CETP: variants seen among roughly 807,000 people sequenced by gnomAD.
CETP encodes cholesteryl ester transfer protein.
A neutral mutation model predicts 66.5 loss-of-function variants in CETP; 56 were observed. The ratio of observed to expected loss-of-function variants is 0.84; its 90% CI spans 0.68 to 1.05. CETP has a LOEUF of 1.05. Ranked by LOEUF, CETP falls within the 50% of genes least tolerant of loss-of-function variation. The pLI is 0.00. For synonymous variants in CETP, 251 were observed against 245.7 expected, an observed-to-expected ratio of 1.02 and a Z score of -0.20; for missense variants, 612 against 609.6, an observed-to-expected ratio of 1.00 and a Z score of -0.04.
intron 11 of CETP, among the ~76,000 whole-genome samples, chr16:56,980,684 G>C (rs1300872275): frequency 6.6e-6 from 1 of 152,208 alleles, no homozygotes; most frequent in East Asian, 1.9e-4. Flanking sequence ...AGCACTTTGA[G>C]AGGCTGAGGT....
intron 9 of CETP, among the ~76,000 whole-genome samples, chr16:56,974,761 G>C (rs1312707436): frequency 6.6e-6 from 1 of 152,210 alleles, no homozygotes; most frequent in Non-Finnish European, 1.5e-5. Flanking sequence ...CCCAAAGCCT[G>C]TACTCTTCAC....
chr16:56,982,013 G>C (rs1224227127), intron 13 of CETP, 152 bp from the exon 14 acceptor site: 2 of 766,874 alleles, frequency 2.6e-6, no homozygotes, highest in Non-Finnish European at 4.5e-6. Flanking sequence ...ACTCAGGAAG[G>C]GCACCGTCTG....
In CETP at chr16:56,980,646, G is replaced by A. The variant is rs551960752; in HGVS notation, c.1147-512G>A. 3.1e-3 allele frequency among the ~76,000 whole-genome samples: 478 copies of A among 152,202 alleles called. 2 individuals carry two copies. The highest frequency in any genetic ancestry group is 0.011 in the African/African-American group (445 of 41,520). On this transcript the variant is annotated intron_variant, in intron 11 of 15. Transcript: ENST00000200676. Reference sequence around the variant, plus strand: ...TGTTAAAAAAAAGAATTATTCGGCCGGGCACGGTGGCTCACGCCTGTAATC... The same window carrying A: ...TGTTAAAAAAAAGAATTATTCGGCCAGGCACGGTGGCTCACGCCTGTAATC...
At chr16:56,979,860 G>A (rs1446264515) in intron 11 of CETP, among the ~76,000 whole-genome samples, 1 of 152,124 alleles carries the variant, frequency 6.6e-6, no homozygotes, top group Non-Finnish European at 1.5e-5. Flanking sequence ...ATCACATTGT[G>A]GAAAATATAG....
chr16:56,971,896 G>A, intron 7 of CETP, 96 bp from the exon 8 acceptor site: 1 of 1,065,760 alleles, frequency 9.4e-7, no homozygotes, highest in Non-Finnish European at 1.5e-6. Flanking sequence ...GGAACACTGA[G>A]GCTGGAGGGT....
chr16:56,974,995 C>T, intron 9 of CETP, 106 bp from the exon 10 acceptor site: 1 of 957,204 alleles, frequency 1.0e-6, no homozygotes, highest in South Asian at 1.3e-5. Context: ...GGAGTTGCGT[C>T]TGAGGAGGGG....
chr16:56,981,752 G>A, intron 13 of CETP, 72 bp downstream of exon 13: 12 of 1,507,324 alleles, frequency 8.0e-6, no homozygotes, highest in Non-Finnish European at 1.1e-5. Flanking sequence ...GCAGGCGGAG[G>A]GCCCTAAAGG....
chr16:56,976,226 C>T (rs963304053), intron 10 of CETP, among the ~76,000 whole-genome samples: 1 of 151,380 alleles, frequency 6.6e-6, no homozygotes, highest in East Asian at 1.9e-4. Context: ...TGTCCTGATA[C>T]CCTCCAATAA....
At position 56,982,195 on chromosome 16, in the gene CETP, C is replaced by A. The variant is rs780936328; in HGVS notation, c.1279C>A (p.Gln427Lys). Reference protein sequence around the residue: ...SSSESVQSFLQSMITAVGIPE... With the variant: ...SSSESVQSFLKSMITAVGIPE... ...CTCCGAGTCCGTCCAGAGCTTCCTG[C>A]AGTCAATGATCACCGCTGTGGGCAT... Residue 427 changes from glutamine to lysine, a missense_variant, in exon 14 of 16, where the codon CAG (glutamine) becomes AAG (lysine). Coordinates refer to ENST00000200676, the MANE Select transcript of CETP (RefSeq NM_000078.3). The A allele has an allele frequency of 4.3e-6, 7 of 1,614,164 alleles. No individual in the cohort carries two copies. Among genetic ancestry groups the A allele is most frequent in the Non-Finnish European group, 5.9e-6 (7 of 1,180,024 alleles).
At chr16:56,966,642 C>G (rs906793151) in intron 2 of CETP, among the ~76,000 whole-genome samples, 1 of 152,038 alleles carries the variant, frequency 6.6e-6, no homozygotes, top group Non-Finnish European at 1.5e-5. Context: ...ACTTGTCGCC[C>G]AGGCTGGAGT....
intron 7 of CETP, 99 bp downstream of exon 7, chr16:56,971,480 T>C (rs2056109984): frequency 1.9e-6 from 2 of 1,049,484 alleles, no homozygotes; most frequent in Non-Finnish European, 3.0e-6. Flanking sequence ...TCTTCCTGTC[T>C]AGGTCCCATG....
At chr16:56,980,638 A>G (rs1477739979) in intron 11 of CETP, among the ~76,000 whole-genome samples, 1 of 152,138 alleles carries the variant, frequency 6.6e-6, no homozygotes, top group Non-Finnish European at 1.5e-5. Flanking sequence ...AAAAAGAATT[A>G]TTCGGCCGGG....
At chr16:56,970,672 T>G (rs2056103074) in intron 5 of CETP, among the ~76,000 whole-genome samples, 1 of 152,188 alleles carries the variant, frequency 6.6e-6, no homozygotes, top group Non-Finnish European at 1.5e-5. Flanking sequence ...ATGCCAAACC[T>G]GGAAGGCAGA....
At chr16:56,970,900 G>A in intron 5 of CETP, 133 bp from the exon 6 acceptor site, 1 of 817,808 alleles carries the variant, frequency 1.2e-6, no homozygotes, top group South Asian at 1.4e-5. Flanking sequence ...TGCAAAATGG[G>A]AGTGATAATT....
Position 56,983,320 on chromosome 16 carries a change from C to T in CETP, c.1322-6C>T. ...GGGCTGACTGGGGCTCTGTCCCCTG[C>T]CCCAGGGCTCGAGGTAGTGTTTACA... is the stretch of plus-strand genomic sequence containing the variant. On this transcript the variant is annotated splice_polypyrimidine_tract_variant and splice_region_variant and intron_variant, in intron 14 of 15. Coordinates refer to ENST00000200676, the MANE Select transcript of CETP (RefSeq NM_000078.3). 2.5e-6 allele frequency: 4 copies of T among 1,614,036 alleles called. No individual in the cohort carries two copies. Among genetic ancestry groups the T allele is most frequent in the Non-Finnish European group, 3.4e-6 (4 of 1,179,886 alleles).
chr16:56,981,377 A>C lies in CETP; in HGVS notation c.1214+152A>C, dbSNP rs140421500. The C allele has an allele frequency of 4.2e-3, 3,371 of 793,450 alleles. 65 individuals carry two copies. Among genetic ancestry groups the C allele is most frequent in the South Asian group, 0.03 (2,088 of 70,104 alleles). 49.2% of individuals were successfully genotyped at this position (793,450 alleles called of 1,614,324 possible). A position where few individuals can be genotyped will look rare whatever the true frequency, so the allele number is the denominator to read the frequency against. ...ACTGCAGGGAGATAAGACCCTGCCT[A>C]GATAGAATCTTCGTGGGGAAGAAGG... is the stretch of plus-strand genomic sequence containing the variant. On this transcript the variant is annotated intron_variant, in intron 12 of 15. Transcript: ENST00000200676.
intron 11 of CETP, among the ~76,000 whole-genome samples, chr16:56,979,685 T>G (rs2056174608): frequency 6.6e-6 from 1 of 152,134 alleles, no homozygotes; most frequent in African/African-American, 2.4e-5. Flanking sequence ...CAGCTAATTT[T>G]TAGTAGAGGC....
chr16:56,965,591 G>A (rs1420902962), intron 2 of CETP, among the ~76,000 whole-genome samples: 3 of 152,182 alleles, frequency 2.0e-5, no homozygotes, highest in African/African-American at 7.2e-5. Flanking sequence ...TACAGCAATA[G>A]TGACTACCTC....
chr16:56,978,661 A>T (rs1261807468), intron 11 of CETP, among the ~76,000 whole-genome samples: 2 of 151,298 alleles, frequency 1.3e-5, no homozygotes, highest in South Asian at 2.1e-4. Context: ...AAAAAAAAAA[A>T]TTTCCTTAGA....
Sources: gnomAD v4.1 joint callset for allele counts (sites outside exome capture counted in the v4.1 genomes callset) on GRCh38, gnomAD v4.1.1 for gene constraint, MANE v1.5 for transcripts, NCBI Gene and HGNC (gene_info 2026-07-23, HGNC 2026-07-21) for gene names.